Variants in MCTP2 observed in about 807,000 individuals in gnomAD.
MCTP2 encodes the protein multiple C2 and transmembrane domain-containing protein 2.
Under a neutral mutation model 111.6 loss-of-function variants are expected in MCTP2, and 132 were observed. The ratio of observed to expected loss-of-function variants is 1.18; its 90% CI spans 1.03 to 1.37. The LOEUF is 1.37. Ranked by LOEUF, MCTP2 falls within the 40% of genes most tolerant of loss-of-function variation. The pLI is 0.00. For missense variants in MCTP2, 1,183 were observed against 1,067.9 expected (o/e 1.11, Z -1.50); for synonymous variants, 395 against 387.7 (o/e 1.02, Z -0.22).
chr15:94,401,948 T>A lies in MCTP2; in HGVS notation c.2014T>A (p.Trp672Arg), dbSNP rs769945339. The change falls in exon 17 of 23, where the codon TGG (tryptophan) becomes AGG (arginine). Residue 672 changes from tryptophan (W) to arginine (R), a missense_variant. By Grantham distance (101) the Trp-to-Arg change is moderately radical. Transcript: ENST00000357742. ...DRVKRITMAIWNTMQFLKSCF... is the reference protein window; with the variant it reads ...DRVKRITMAIRNTMQFLKSCF... ...TGTGAAAAGAATCACTATGGCAATA[T>A]GGAATACAATGCAGTTCCTTAAAAG... is the stretch of plus-strand genomic sequence containing the variant. The A allele has an allele frequency of 1.2e-6, 2 of 1,612,624 alleles. No individual in the cohort carries two copies. The highest frequency in any genetic ancestry group is 4.5e-5 in the East Asian group (2 of 44,850).
chr15:94,427,420 A>G (rs1596672815), intron 17 of MCTP2, among the ~76,000 whole-genome samples: 1 of 152,300 alleles, frequency 6.6e-6, no homozygotes, highest in East Asian at 1.9e-4. Flanking sequence ...GGGAGGCCTC[A>G]GGAAACTTAC....
At chr15:94,237,179 A>G (rs1410856090) in intron 1 of MCTP2, among the ~76,000 whole-genome samples, 1 of 152,212 alleles carries the variant, frequency 6.6e-6, no homozygotes, top group African/African-American at 2.4e-5. Flanking sequence ...TTGGCAATGT[A>G]GAGATTTGAA....
chr15:94,282,358 A>G (rs1433348388), intron 1 of MCTP2, among the ~76,000 whole-genome samples: 1 of 152,166 alleles, frequency 6.6e-6, no homozygotes, highest in African/African-American at 2.4e-5. Context: ...TCCAATTGCA[A>G]TCCAATTTCT....
chr15:94,402,953 C>G, intron 17 of MCTP2: 1 of 1,029,166 alleles, frequency 9.7e-7, no homozygotes, highest in Non-Finnish European at 1.2e-6. Context: ...GCTGAATGTT[C>G]TCTCTTAGCC....
At chr15:94,462,660 G>A (rs956464543) in intron 20 of MCTP2, among the ~76,000 whole-genome samples, 5 of 152,198 alleles carry the variant, frequency 3.3e-5, no homozygotes, top group Middle Eastern at 3.4e-3. Flanking sequence ...TTTTTAAAGC[G>A]CCTACTACAG....
intron 1 of MCTP2, among the ~76,000 whole-genome samples, chr15:94,258,885 C>T (rs960629769): frequency 3.9e-5 from 6 of 152,152 alleles, no homozygotes; most frequent in East Asian, 1.9e-4. Flanking sequence ...TTTGATCATA[C>T]GCCCTATCAA....
At chr15:94,368,359 T>C (rs1248861056) in intron 11 of MCTP2, among the ~76,000 whole-genome samples, 8 of 152,246 alleles carry the variant, frequency 5.3e-5, no homozygotes, top group Non-Finnish European at 2.9e-5. Flanking sequence ...GAAATGGCTG[T>C]GTCCTCTTCA....
At chr15:94,391,024 C>G (rs146180672) in intron 14 of MCTP2, among the ~76,000 whole-genome samples, 3,553 of 152,200 alleles carry the variant, frequency 0.023, 156 homozygotes, top group African/African-American at 0.081. Context: ...GCCACCATGC[C>G]CTGCCAAAGA....
At position 94,315,532 on chromosome 15, in the gene MCTP2, C is replaced by G; in HGVS notation, c.532C>G (p.Pro178Ala). The change falls in exon 4 of 23, where the codon CCG becomes GCG. Residue 178 changes from proline (P) to alanine (A), a missense_variant. Coordinates refer to ENST00000357742, the MANE Select transcript of MCTP2 (RefSeq NM_001385001.1). The stretch of plus-strand genomic sequence containing the variant: ...ACTGCCTTCTCCATCTGTGCAGGTA[C>G]CGGGGGAAGCCAGTGATGGCTTGAG... ...TSQHFEEQSV[P>A]GEASDGLSNL... 6.2e-7 allele frequency: 1 copy of G among 1,612,884 alleles called. No homozygotes were observed. Among genetic ancestry groups the G allele is most frequent in the Middle Eastern group, 1.6e-4 (1 of 6,062 alleles).
chr15:94,389,101 T>G (rs1481451389), intron 14 of MCTP2, among the ~76,000 whole-genome samples: 1 of 152,038 alleles, frequency 6.6e-6, no homozygotes, highest in East Asian at 1.9e-4. Flanking sequence ...GAAAGGGCAG[T>G]GGGAAGTAGG....
intron 4 of MCTP2, among the ~76,000 whole-genome samples, chr15:94,323,394 A>C (rs1174360455): frequency 1.3e-5 from 2 of 152,214 alleles, no homozygotes; most frequent in Non-Finnish European, 2.9e-5. Context: ...CCCTGTCTTA[A>C]GCATGCTTAA....
chr15:94,349,531 C>T (rs573132572), intron 8 of MCTP2, among the ~76,000 whole-genome samples: 5 of 152,020 alleles, frequency 3.3e-5, no homozygotes, highest in African/African-American at 9.6e-5. Flanking sequence ...GTGGGTTGGA[C>T]GCTGGTCTCT....
chr15:94,431,693 C>G (rs2083192632), intron 17 of MCTP2, among the ~76,000 whole-genome samples: 1 of 151,808 alleles, frequency 6.6e-6, no homozygotes, highest in African/African-American at 2.4e-5. Flanking sequence ...AAAATTTAAC[C>G]CTGGATTTTT....
chr15:94,393,196 A>G (rs967760552), intron 14 of MCTP2, among the ~76,000 whole-genome samples: 4 of 152,216 alleles, frequency 2.6e-5, no homozygotes, highest in African/African-American at 9.6e-5. Flanking sequence ...ATTCGTGACT[A>G]TACACAACAG....
Position 94,428,525 on chromosome 15 carries a change from CTA to C in MCTP2, c.2086-11647_2086-11646del, listed in dbSNP as rs2082999799. Among the ~76,000 whole-genome samples the C allele has an allele frequency of 3.3e-5, 5 of 152,048 alleles. No homozygotes were observed. In the South Asian group the frequency reaches 1.0e-3, roughly 32 times the overall value. ...GAATTTTTAGGGGAAGGGGGGCTTC[CTA>C]TATTAATCTTTCAGCATTTCTGGAA... On this transcript the variant is annotated intron_variant, in intron 17 of 22. Coordinates refer to ENST00000357742, the MANE Select transcript of MCTP2 (RefSeq NM_001385001.1).
intron 12 of MCTP2, among the ~76,000 whole-genome samples, chr15:94,381,230 A>C (rs1308370182): frequency 2.0e-5 from 3 of 152,246 alleles, no homozygotes; most frequent in Non-Finnish European, 4.4e-5. Context: ...CAAAGTCCCC[A>C]TATATCTGAA....
chr15:94,242,390 AGAG>A (rs1393596194), intron 1 of MCTP2, among the ~76,000 whole-genome samples: 1 of 152,142 alleles, frequency 6.6e-6, no homozygotes, highest in Non-Finnish European at 1.5e-5. Flanking sequence ...TTCAAGGAAA[AGAG>A]GGAGTCTGGA....
chr15:94,434,488 T>A (rs1342199950), intron 17 of MCTP2, among the ~76,000 whole-genome samples: 2 of 152,222 alleles, frequency 1.3e-5, no homozygotes, highest in African/African-American at 4.8e-5. Context: ...CTTAGAAGTC[T>A]TAAAATTCTA....
intron 20 of MCTP2, among the ~76,000 whole-genome samples, chr15:94,469,187 C>G (rs886335153): frequency 3.9e-5 from 6 of 152,042 alleles, no homozygotes; most frequent in African/African-American, 1.2e-4. Context: ...TTCTGTATTC[C>G]TAGCACAAGG....
Sources: gnomAD v4.1 joint callset for allele counts (sites outside exome capture counted in the v4.1 genomes callset) on GRCh38, gnomAD v4.1.1 for gene constraint, MANE v1.5 for transcripts, NCBI Gene and HGNC (gene_info 2026-07-23, HGNC 2026-07-21) for gene names.